NUCB2: variants seen among roughly 807,000 people sequenced by gnomAD.
The protein encoded by NUCB2 is nucleobindin-2.
Under a neutral mutation model 57.9 loss-of-function variants are expected in NUCB2, and 48 were observed. The ratio of observed to expected loss-of-function variants is 0.83; its 90% CI spans 0.66 to 1.05. The LOEUF is 1.05. Ranked by LOEUF, NUCB2 falls within the 50% of genes least tolerant of loss-of-function variation. NUCB2 has a pLI of 0.00. For missense variants in NUCB2, 442 were observed against 476.2 expected, an observed-to-expected ratio of 0.93 and a Z score of 0.67; for synonymous variants, 139 against 152.1, an observed-to-expected ratio of 0.91 and a Z score of 0.64.
At chr11:17,341,711 AG>A (rs563140556) in intron 2 of NUCB2, among the ~76,000 whole-genome samples, 9 of 152,052 alleles carry the variant, frequency 5.9e-5, no homozygotes, top group Non-Finnish European at 1.0e-4. Context: ...TGCTGGATTC[AG>A]TTTGCCAGTA....
chr11:17,321,129 CAA>C (rs2139216407), intron 11 of NUCB2, among the ~76,000 whole-genome samples: 1 of 151,904 alleles, frequency 6.6e-6, no homozygotes, highest in East Asian at 1.9e-4. Context: ...TAGTTATTTT[CAA>C]ATGTACAATT....
At chr11:17,313,529 C>G (rs985633514) in intron 10 of NUCB2, among the ~76,000 whole-genome samples, 1 of 152,154 alleles carries the variant, frequency 6.6e-6, no homozygotes, top group African/African-American at 2.4e-5. Context: ...GACTCCATCT[C>G]AAAACCAAAC....
intron 2 of NUCB2, chr11:17,291,312 T>A (rs1244421845): frequency 6.5e-6 from 1 of 153,230 alleles, no homozygotes; most frequent in Non-Finnish European, 1.5e-5. Flanking sequence ...TTTGGGAGGC[T>A]GAGGCGGGCA....
At position 17,296,239 on chromosome 11, in the gene NUCB2, A is replaced by G. The variant is rs150906385; in HGVS notation, c.252+28A>G. ...AAATGCAATTCAATAATATATACATATATGTATCTTAATTTAAAATTTTTT... is the reference window on the plus strand; with the variant it reads ...AAATGCAATTCAATAATATATACATGTATGTATCTTAATTTAAAATTTTTT... On this transcript the variant is annotated intron_variant, in intron 4 of 13. Coordinates refer to ENST00000529010, the MANE Select transcript of NUCB2 (RefSeq NM_005013.4). 494 of 1,383,298 alleles carry G rather than the reference A, an allele frequency of 3.6e-4. 1 individual carries two copies. The highest frequency in any genetic ancestry group is 4.7e-4 in the Non-Finnish European group (469 of 1,002,232). 85.7% of individuals were successfully genotyped at this position (1,383,298 alleles called of 1,614,324 possible).
rs201051225 is a variant in NUCB2 at position 17,317,817 on chromosome 11, G to GT, written c.1002+2343dup. On this transcript the variant is annotated intron_variant, in intron 11 of 13. Transcript: ENST00000529010. ...AAAGTATCTCGTCTAGCCCACCATA[G>GT]TGAGAGAATCAGAAGTCAGTTTTTG... The GT allele has an allele frequency of 6.2e-3, 1,064 of 172,096 alleles. 17 individuals carry two copies. Among genetic ancestry groups the GT allele is most frequent in the African/African-American group, 0.023 (981 of 42,222 alleles). The allele number at this position is 172,096 out of a possible 1,614,324, so 10.7% of individuals were successfully genotyped here.
In NUCB2 at chr11:17,310,810, A is replaced by C. The variant is rs374241176; in HGVS notation, c.484-15A>C. 6.4e-7 allele frequency: 1 copy of C among 1,560,400 alleles called. No homozygotes were observed. Among genetic ancestry groups the C allele is most frequent in the East Asian group, 2.3e-5 (1 of 43,926 alleles). ...GAATGTTTTTATTTAACTTAAATGC[A>C]TTATTGCATTTCAGGCAACAAGTGA... On this transcript the variant is annotated splice_polypyrimidine_tract_variant and intron_variant, in intron 6 of 13. Transcript: ENST00000529010.
At chr11:17,286,771 T>C (rs1189486794) in intron 2 of NUCB2, 2 of 152,244 alleles carry the variant, frequency 1.3e-5, no homozygotes, top group East Asian at 3.8e-4. Context: ...CTTTCTTCTA[T>C]ATGGATATTT....
At chr11:17,314,206 C>T (rs1001074208) in intron 10 of NUCB2, among the ~76,000 whole-genome samples, 4 of 152,172 alleles carry the variant, frequency 2.6e-5, no homozygotes, top group Non-Finnish European at 5.9e-5. Context: ...CTTCCCCCCA[C>T]TTCCACTACT....
chr11:17,315,440 GAAA>G lies in NUCB2; in HGVS notation c.973_975del (p.Lys325del). The G allele has an allele frequency of 6.2e-7, 1 of 1,609,864 alleles. No individual in the cohort carries two copies. The highest frequency in any genetic ancestry group is 8.5e-7 in the Non-Finnish European group (1 of 1,177,256). On this transcript the variant is annotated inframe_deletion, in exon 11 of 14. Coordinates refer to ENST00000529010, the MANE Select transcript of NUCB2 (RefSeq NM_005013.4). ...TCTGGAGGAGTTTTTGAAAGCCACA[GAAA>G]AAAAAGAATTCTTGGAGCCAGATAG... is the stretch of plus-strand genomic sequence containing the variant.
At position 17,331,491 on chromosome 11, in the gene NUCB2, C is replaced by A; in HGVS notation, c.*72C>A. On this transcript the variant is annotated 3_prime_UTR_variant, in exon 14 of 14. Transcript: ENST00000529010. ...CTATTTCATCTTTTTAGCTCCCTTC[C>A]TTTTTCTCTGCTCAATAAATATTTT... 1 of 903,162 alleles carries A rather than the reference C, an allele frequency of 1.1e-6. No homozygotes were observed. Among genetic ancestry groups the A allele is most frequent in the Non-Finnish European group, 1.6e-6 (1 of 626,948 alleles). 55.9% of individuals were successfully genotyped at this position (903,162 alleles called of 1,614,324 possible). A position where few individuals can be genotyped will look rare whatever the true frequency, so the allele number is the denominator to read the frequency against.
chr11:17,336,089 T>C (rs1283801869), downstream of NUCB2, among the ~76,000 whole-genome samples: 4 of 151,702 alleles, frequency 2.6e-5, no homozygotes, highest in Non-Finnish European at 5.9e-5. Context: ...TTAACAGGAG[T>C]GAGTCACCAC....
At chr11:17,349,956 G>C (rs150847536) in exon 3 of NUCB2, 1 of 152,318 alleles carries the variant, frequency 6.6e-6, no homozygotes, top group East Asian at 1.9e-4. Context: ...AAAGAACACA[G>C]AAAGTCAGAG....
intron 2 of NUCB2, among the ~76,000 whole-genome samples, chr11:17,345,353 T>C (rs2139665406): frequency 6.6e-6 from 1 of 152,372 alleles, no homozygotes; most frequent in African/African-American, 2.4e-5. Flanking sequence ...GAGCTTTTAT[T>C]TGTTATTACT....
chr11:17,309,248 G>T lies in NUCB2; in HGVS notation c.380-324G>T, dbSNP rs191246641. On this transcript the variant is annotated intron_variant, in intron 5 of 13. Coordinates refer to ENST00000529010, the MANE Select transcript of NUCB2 (RefSeq NM_005013.4). ...AGGTGGGAGGATTGCTTGAGCCCAG[G>T]AGGTCAAGGATGCAGTGATCCATGA... Among the ~76,000 whole-genome samples, 22 of 152,162 alleles carry T rather than the reference G, an allele frequency of 1.4e-4. No individual in the cohort carries two copies. In the East Asian group the frequency reaches 4.3e-3, roughly 29 times the overall value.
At chr11:17,324,945 A>G (rs1415089816) in intron 11 of NUCB2, among the ~76,000 whole-genome samples, 2 of 151,814 alleles carry the variant, frequency 1.3e-5, no homozygotes, top group South Asian at 2.1e-4. Context: ...GGGATTACAG[A>G]TGTGTGCCAC....
intron 2 of NUCB2, among the ~76,000 whole-genome samples, chr11:17,294,907 G>A (rs1024379162): frequency 1.3e-5 from 2 of 152,066 alleles, no homozygotes; most frequent in African/African-American, 4.8e-5. Context: ...AATTAGCCAG[G>A]TGTGATGGCA....
At chr11:17,322,955 C>T (rs1214035233) in intron 11 of NUCB2, among the ~76,000 whole-genome samples, 5 of 151,696 alleles carry the variant, frequency 3.3e-5, no homozygotes, top group African/African-American at 4.8e-5. Context: ...CTAAATTTAT[C>T]GGTTCTAATA....
intron 11 of NUCB2, among the ~76,000 whole-genome samples, chr11:17,329,592 C>T (rs942834234): frequency 3.3e-5 from 5 of 152,192 alleles, no homozygotes; most frequent in East Asian, 1.9e-4. Flanking sequence ...TGTAAAGTCC[C>T]CCAGTCGCTA....
chr11:17,321,660 T>G (rs752276828), intron 11 of NUCB2, among the ~76,000 whole-genome samples: 3 of 152,186 alleles, frequency 2.0e-5, no homozygotes, highest in Non-Finnish European at 4.4e-5. Flanking sequence ...TTTTTAATTT[T>G]TTGAGGAACT....
Sources: allele counts gnomAD v4.1 joint callset (sites outside exome capture counted in the v4.1 genomes callset), GRCh38; gene constraint gnomAD v4.1.1; transcripts MANE v1.5; gene names NCBI Gene and HGNC (gene_info 2026-07-23, HGNC 2026-07-21).